The following DNER variants were observed in gnomAD, a reference collection of about 807,000 sequenced individuals.
The protein encoded by DNER is delta/notch like EGF repeat containing.
In DNER, 33 loss-of-function variants were observed where a neutral mutation model predicts 78.2. The ratio of observed to expected loss-of-function variants is 0.42; its 90% CI spans 0.32 to 0.56. The LOEUF (loss-of-function observed/expected upper bound fraction) is 0.56. Ranked by LOEUF, DNER falls within the 20% of genes least tolerant of loss-of-function variation. The probability of loss-of-function intolerance (pLI) is 0.11; values close to 1 mark genes in which losing one functional copy is unlikely to be tolerated. For missense variants in DNER, 918 were observed against 975.3 expected (o/e 0.94, Z 0.78); for synonymous variants, 417 against 384.8 (o/e 1.08, Z -0.98).
chr2:229,510,351 G>A (rs1014526934), intron 6 of DNER, among the ~76,000 whole-genome samples: 5 of 152,336 alleles, frequency 3.3e-5, no homozygotes, highest in Non-Finnish European at 5.9e-5. Context: ...GAGGGTCCGG[G>A]CATGGATGAG....
At position 229,462,836 on chromosome 2, in the gene DNER, G is replaced by A. The variant is rs563507138; in HGVS notation, c.1261+14304C>T. On this transcript the variant is annotated intron_variant, in intron 7 of 12. Transcript: ENST00000341772. ...AGCTGGCCCCACTGGCCTCCATTCA[G>A]TTTCCAGAAATAACAAGCCATTCCT... Among the ~76,000 whole-genome samples the A allele has an allele frequency of 7.9e-5, 12 of 152,118 alleles. No homozygotes were observed. In the East Asian group the frequency reaches 2.1e-3, roughly 27 times the overall value.
chr2:229,525,343 T>C (rs576126560), intron 5 of DNER, among the ~76,000 whole-genome samples: 1 of 152,310 alleles, frequency 6.6e-6, no homozygotes, highest in Admixed American at 6.5e-5. Flanking sequence ...AAATAAATTT[T>C]TAAAAGTAGA....
intron 11 of DNER, 118 bp downstream of exon 11, chr2:229,388,147 C>G (rs1574820061): frequency 7.1e-7 from 1 of 1,405,434 alleles, no homozygotes; most frequent in African/African-American, 1.5e-5. Flanking sequence ...CTCACTGCCT[C>G]ATCTGCCAGT....
In DNER at chr2:229,645,905, A is replaced by T. The variant is rs141916537; in HGVS notation, c.277-54017T>A. The stretch of plus-strand genomic sequence containing the variant: ...AGAGCAGACACAAACAACTATATGC[A>T]CACAGTCCTGAGAGCCACAGTTGGG... On this transcript the variant is annotated intron_variant, in intron 1 of 12. Transcript: ENST00000341772. 1.9e-4 allele frequency among the ~76,000 whole-genome samples: 29 copies of T among 152,322 alleles called. No homozygotes were observed. In the East Asian group the frequency reaches 5.6e-3, roughly 29 times the overall value.
chr2:229,434,082 T>C (rs540136219), intron 8 of DNER, among the ~76,000 whole-genome samples: 1 of 152,318 alleles, frequency 6.6e-6, no homozygotes, highest in African/African-American at 2.4e-5. Flanking sequence ...ATACATAGTT[T>C]GGTAGCAAAG....
At chr2:229,650,184 C>A (rs1404243123) in intron 1 of DNER, among the ~76,000 whole-genome samples, 1 of 151,966 alleles carries the variant, frequency 6.6e-6, no homozygotes, top group African/African-American at 2.4e-5. Context: ...TACATTCTGA[C>A]TAAGGAAATT....
chr2:229,661,301 T>A (rs1699006617), intron 1 of DNER, among the ~76,000 whole-genome samples: 1 of 151,972 alleles, frequency 6.6e-6, no homozygotes, highest in Non-Finnish European at 1.5e-5. Context: ...TGTACACCAG[T>A]CCCCCACACC....
intron 1 of DNER, among the ~76,000 whole-genome samples, chr2:229,622,730 A>G (rs547583061): frequency 6.6e-6 from 1 of 152,290 alleles, no homozygotes; most frequent in African/African-American, 2.4e-5. Context: ...CTTCCTTATA[A>G]GAAGAGAAGA....
chr2:229,436,954 C>T (rs866219616), intron 8 of DNER, among the ~76,000 whole-genome samples: 1 of 152,166 alleles, frequency 6.6e-6, no homozygotes, highest in Non-Finnish European at 1.5e-5. Flanking sequence ...TCAATACTAA[C>T]CTTGAATGTA....
chr2:229,490,974 A>G (rs189015749), intron 6 of DNER, among the ~76,000 whole-genome samples: 1 of 152,192 alleles, frequency 6.6e-6, no homozygotes, highest in Admixed American at 6.5e-5. Flanking sequence ...TGTCCTCCCT[A>G]TGTTTATTCT....
chr2:229,414,988 C>G (rs909875202), intron 9 of DNER, among the ~76,000 whole-genome samples: 1 of 152,170 alleles, frequency 6.6e-6, no homozygotes, highest in Middle Eastern at 3.4e-3. Flanking sequence ...CATGGAGAAA[C>G]TTTGTCTCTA....
intron 1 of DNER, among the ~76,000 whole-genome samples, chr2:229,594,952 TAAAAAAAAAAAAAAAAAAAAAA>T (rs200824543): frequency 1.8e-4 from 18 of 102,694 alleles, no homozygotes; most frequent in Admixed American, 6.1e-4. Flanking sequence ...AAATGCTGTT[TAAAAAAAAAAAAAAAAAAAAAA>T]AAAAAAAAAA....
chr2:229,531,831 G>A (rs1296146825), intron 5 of DNER, among the ~76,000 whole-genome samples: 1 of 152,168 alleles, frequency 6.6e-6, no homozygotes, highest in Non-Finnish European at 1.5e-5. Context: ...ATATAAAGTA[G>A]GGAAGTACTC....
chr2:229,407,158 T>G, intron 10 of DNER, 74 bp downstream of exon 10: 1 of 1,297,956 alleles, frequency 7.7e-7, no homozygotes, highest in Non-Finnish European at 1.1e-6. Context: ...CATGATGGAT[T>G]TGGGTTTTTT....
chr2:229,398,104 C>T (rs1693189622), intron 10 of DNER, among the ~76,000 whole-genome samples: 1 of 151,750 alleles, frequency 6.6e-6, no homozygotes, highest in African/African-American at 2.4e-5. Context: ...AAAAGATTAA[C>T]AAAATTGACA....
intron 11 of DNER, among the ~76,000 whole-genome samples, chr2:229,375,417 A>G (rs1440790358): frequency 6.6e-6 from 1 of 152,188 alleles, no homozygotes; most frequent in Non-Finnish European, 1.5e-5. Context: ...GTTATCAACC[A>G]CAAAACTCCA....
chr2:229,478,430 G>A (rs1252038471), intron 6 of DNER, among the ~76,000 whole-genome samples: 1 of 152,192 alleles, frequency 6.6e-6, no homozygotes, highest in Non-Finnish European at 1.5e-5. Context: ...TGGGAATGTG[G>A]AGGCATTCAT....
chr2:229,386,782 T>C (rs1692876304), intron 11 of DNER, among the ~76,000 whole-genome samples: 1 of 152,000 alleles, frequency 6.6e-6, no homozygotes, highest in Admixed American at 6.6e-5. Flanking sequence ...TGAGATACCA[T>C]CTCACGTCAG....
intron 8 of DNER, among the ~76,000 whole-genome samples, chr2:229,442,365 A>T (rs1305983564): frequency 6.6e-6 from 1 of 152,124 alleles, no homozygotes; most frequent in Non-Finnish European, 1.5e-5. Flanking sequence ...AATACAAAAA[A>T]TTAGCTGGTT....
Sources: gnomAD v4.1 joint callset for allele counts (sites outside exome capture counted in the v4.1 genomes callset) on GRCh38, gnomAD v4.1.1 for gene constraint, MANE v1.5 for transcripts, NCBI Gene and HGNC (gene_info 2026-07-23, HGNC 2026-07-21) for gene names.